Variants in ANK2 observed in about 807,000 individuals in gnomAD.
ANK2 encodes ankyrin-2.
A neutral mutation model predicts 360.5 loss-of-function variants in ANK2; 83 were observed. The observed-to-expected ratio is 0.23, with a 90% confidence interval of 0.19 to 0.28. The LOEUF is 0.28. Among genes scored for constraint, ANK2 ranks in the 10% least tolerant of loss-of-function variants. The pLI, the probability that ANK2 is intolerant of heterozygous loss-of-function variation, is 1.00. For missense variants in ANK2, 4,201 were observed against 4,795.7 expected, an observed-to-expected ratio of 0.88 and a Z score of 3.66; for synonymous variants, 1,740 against 1,759.5, an observed-to-expected ratio of 0.99 and a Z score of 0.28.
the ANK2 span, among the ~76,000 whole-genome samples, chr4:112,724,683 G>T: frequency 6.6e-6 from 1 of 151,928 alleles, no homozygotes; most frequent in Non-Finnish European, 1.5e-5. Context: ...TGGAGAAACT[G>T]GAACCCTTGT....
At chr4:113,059,733 G>A (rs1263071829) in intron 1 of ANK2, among the ~76,000 whole-genome samples, 2 of 152,066 alleles carry the variant, frequency 1.3e-5, no homozygotes, top group Admixed American at 1.3e-4. Flanking sequence ...TCTGAAAAGA[G>A]CATTTAAATA....
the ANK2 span, among the ~76,000 whole-genome samples, chr4:112,725,357 C>CTTT: frequency 1.0e-3 from 75 of 73,586 alleles, 1 homozygote; most frequent in Non-Finnish European, 1.3e-3. Flanking sequence ...AAGACACAGT[C>CTTT]TTTTTTTTTT....
intron 1 of ANK2, among the ~76,000 whole-genome samples, chr4:112,841,010 A>G (rs2061977626): frequency 6.6e-6 from 1 of 152,148 alleles, no homozygotes; most frequent in Non-Finnish European, 1.5e-5. Flanking sequence ...TCCCTTCCCC[A>G]CAAGGAACAC....
At chr4:113,196,308 T>G (rs2098746905) in intron 2 of ANK2, 60 bp from the exon 3 acceptor site, 2 of 1,292,284 alleles carry the variant, frequency 1.5e-6, no homozygotes, top group East Asian at 4.7e-5. Flanking sequence ...TTGAGTAGGA[T>G]CAGGGCACTA....
chr4:113,283,056 G>C (rs530336550), intron 18 of ANK2, among the ~76,000 whole-genome samples, 184 bp downstream of exon 18: 2 of 152,164 alleles, frequency 1.3e-5, no homozygotes, highest in Non-Finnish European at 2.9e-5. Context: ...GGAAGCAAGG[G>C]AGAGAGACTC....
chr4:113,245,364 A>C (rs900090142), intron 9 of ANK2, among the ~76,000 whole-genome samples: 3 of 152,214 alleles, frequency 2.0e-5, no homozygotes, highest in Admixed American at 1.3e-4. Context: ...TGTTTATATT[A>C]ATTAGTTCTC....
At chr4:113,153,391 A>C (rs867959721) in intron 1 of ANK2, among the ~76,000 whole-genome samples, 12 of 152,220 alleles carry the variant, frequency 7.9e-5, no homozygotes, top group African/African-American at 2.7e-4. Context: ...AGAAGTACAT[A>C]GAAAAATTTG....
At chr4:113,068,415 G>A (rs894043752) in intron 1 of ANK2, among the ~76,000 whole-genome samples, 3 of 152,162 alleles carry the variant, frequency 2.0e-5, no homozygotes, top group Admixed American at 6.5e-5. Flanking sequence ...CATTGAATAT[G>A]TTGTGAATGT....
chr4:112,885,215 G>A (rs2150522055), intron 1 of ANK2, among the ~76,000 whole-genome samples: 1 of 152,188 alleles, frequency 6.6e-6, no homozygotes, highest in East Asian at 1.9e-4. Context: ...AATTAAATAA[G>A]CAGGGCCGGG....
intron 1 of ANK2, among the ~76,000 whole-genome samples, chr4:112,883,436 CAAT>C (rs2077359872): frequency 6.6e-6 from 1 of 151,878 alleles, no homozygotes. Flanking sequence ...TATAATTATG[CAAT>C]TTAATTAAAT....
intron 44 of ANK2, 44 bp downstream of exon 44, chr4:113,373,217 G>A (rs1472211152): frequency 1.2e-6 from 2 of 1,612,808 alleles, no homozygotes; most frequent in Admixed American, 3.3e-5. Flanking sequence ...CAAACTTCCT[G>A]TTTAAAATTT....
At chr4:112,766,310 A>T in the ANK2 span, among the ~76,000 whole-genome samples, 1 of 149,390 alleles carries the variant, frequency 6.7e-6, no homozygotes, top group Non-Finnish European at 1.5e-5. Flanking sequence ...ACAGAGCAAG[A>T]CTCTGTCTCA....
At chr4:113,379,706 A>G (rs1422482374) in intron 45 of ANK2, among the ~76,000 whole-genome samples, 4 of 152,236 alleles carry the variant, frequency 2.6e-5, no homozygotes, top group African/African-American at 4.8e-5. Flanking sequence ...GTTTGCTTCC[A>G]GATGCAGAAC....
At chr4:113,110,921 C>G (rs1457698398) in intron 1 of ANK2, among the ~76,000 whole-genome samples, 1 of 151,852 alleles carries the variant, frequency 6.6e-6, no homozygotes, top group Non-Finnish European at 1.5e-5. Context: ...TGGATGTGCT[C>G]TAATATTACA....
chr4:112,935,628 G>T (rs1217268754), intron 2 of ANK2, among the ~76,000 whole-genome samples: 1 of 138,856 alleles, frequency 7.2e-6, no homozygotes, highest in Non-Finnish European at 1.5e-5. Flanking sequence ...GATTGCTTTA[G>T]CTTGGCAGTT....
intron 20 of ANK2, 23 bp downstream of exon 20, chr4:113,288,509 C>T: frequency 6.3e-7 from 1 of 1,592,546 alleles, no homozygotes; most frequent in Non-Finnish European, 8.6e-7. Flanking sequence ...TGGTCATTTT[C>T]AATTCCTATA....
intron 13 of ANK2, among the ~76,000 whole-genome samples, chr4:113,261,101 A>G (rs774258527): frequency 5.3e-5 from 8 of 152,218 alleles, no homozygotes; most frequent in Non-Finnish European, 1.2e-4. Context: ...GGACATGAGC[A>G]TACCCATTCT....
chr4:113,240,995 A>C (rs1178553209), intron 8 of ANK2, among the ~76,000 whole-genome samples: 8 of 152,312 alleles, frequency 5.3e-5, no homozygotes, highest in Admixed American at 3.9e-4. Context: ...TAATGAATTG[A>C]GAATTTGTTC....
At chr4:113,096,359 A>G (rs1457814662) in intron 1 of ANK2, among the ~76,000 whole-genome samples, 2 of 152,306 alleles carry the variant, frequency 1.3e-5, no homozygotes, top group South Asian at 2.1e-4. Flanking sequence ...TCTCTCCCAC[A>G]TAAAATAAAT....
Sources: gnomAD v4.1 joint callset for allele counts (sites outside exome capture counted in the v4.1 genomes callset) on GRCh38, gnomAD v4.1.1 for gene constraint, MANE v1.5 for transcripts, NCBI Gene and HGNC (gene_info 2026-07-23, HGNC 2026-07-21) for gene names.